MAP1A: variants seen among roughly 807,000 people sequenced by gnomAD.
The protein encoded by MAP1A is microtubule associated protein 1A.
MAP1A carries 42 observed loss-of-function variants against 185.9 expected under a neutral mutation model. The observed-to-expected ratio is 0.23, with a 90% CI of 0.18 to 0.29. The LOEUF (loss-of-function observed/expected upper bound fraction) is 0.29, where lower values mean the gene tolerates loss of function less well. Ranked by LOEUF, MAP1A falls within the 10% of genes least tolerant of loss-of-function variation. The pLI, the probability that MAP1A is intolerant of heterozygous loss-of-function variation, is 1.00. For synonymous variants in MAP1A, 1,229 were observed against 1,335.9 expected (o/e 0.92, Z 1.74); for missense variants, 2,995 against 3,450.4 (o/e 0.87, Z 3.31).
chr15:43,523,044 T>C lies in MAP1A; in HGVS notation c.1571T>C (p.Val524Ala). The C allele has an allele frequency of 6.2e-7, 1 of 1,614,128 alleles. No individual in the cohort carries two copies. Among genetic ancestry groups the C allele is most frequent in the Non-Finnish European group, 8.5e-7 (1 of 1,180,014 alleles). Residue 524 changes from valine to alanine, a missense_variant, in exon 4 of 6, where the codon GTC (valine) becomes GCC (alanine). Around this residue, in one of 3 missense-constraint regions of MAP1A, gnomAD observed 2,728 missense variants for 2,986.0 expected, o/e 0.91. Transcript: ENST00000300231. ...LPTISGHREL[V>A]LSSPEDLTQD... ...ACCATCAGTGGGCACAGGGAGCTGG[T>C]CCTATCCTCACCAGAGGACCTCACA...
At chr15:43,530,013 C>T (rs2079365418) in intron 5 of MAP1A, 56 bp from the exon 6 acceptor site, 1 of 1,592,804 alleles carries the variant, frequency 6.3e-7, no homozygotes, top group African/African-American at 1.3e-5. Flanking sequence ...GCCCCTTCCC[C>T]CTCACCTACC....
chr15:43,524,121 C>T lies in MAP1A; in HGVS notation c.2648C>T (p.Thr883Met), dbSNP rs2079331985. 1.9e-6 allele frequency: 3 copies of T among 1,614,174 alleles called. No homozygotes were observed. The highest frequency in any genetic ancestry group is 1.1e-5 in the South Asian group (1 of 91,084). ...TSIPSSRTEA[T>M]QGLDYVPSAG... ...ATCCCTTCCTCCCGTACTGAAGCTA[C>T]GCAGGGCTTGGACTATGTGCCATCA... Residue 883 changes from threonine to methionine, a missense_variant, in exon 4 of 6, where the codon ACG (threonine) becomes ATG (methionine). Coordinates refer to ENST00000300231, the MANE Select transcript of MAP1A (RefSeq NM_002373.6).
chr15:43,523,079 G>C lies in MAP1A; in HGVS notation c.1606G>C (p.Glu536Gln), dbSNP rs2080770032. The C allele has an allele frequency of 6.2e-7, 1 of 1,614,206 alleles. No individual in the cohort carries two copies. Among genetic ancestry groups the C allele is most frequent in the South Asian group, 1.1e-5 (1 of 91,084 alleles). ...SSPEDLTQDF[E>Q]EMKREERALL... ...ACCAGAGGACCTCACACAGGACTTTGAGGAGATGAAGCGTGAGGAGAGGGC... is the reference window on the plus strand; with the variant it reads ...ACCAGAGGACCTCACACAGGACTTTCAGGAGATGAAGCGTGAGGAGAGGGC... Residue 536 changes from glutamate (E) to glutamine (Q), a missense_variant, in exon 4 of 6, where the codon GAG becomes CAG. By Grantham distance (29) the Glu-to-Gln change is conservative. Transcript: ENST00000300231.
At position 43,524,222 on chromosome 15, in the gene MAP1A, G is replaced by T; in HGVS notation, c.2749G>T (p.Val917Leu). ...ATCACCACCCTGTGAGGACTTCTCT[G>T]TGACTGGGGAGTCAGAGAAGAGAGG... The part of the protein sequence containing the change: ...FKSPPCEDFS[V>L]TGESEKRGEI... The change falls in exon 4 of 6, where the codon GTG becomes TTG. Residue 917 changes from valine to leucine, a missense_variant. This residue lies in a region of MAP1A where 2,728 missense variants were observed against 2,986.0 expected (regional missense o/e 0.91). Coordinates refer to ENST00000300231, the MANE Select transcript of MAP1A (RefSeq NM_002373.6). 6.2e-7 allele frequency: 1 copy of T among 1,614,234 alleles called. No individual in the cohort carries two copies.
At chr15:43,513,175 A>C (rs2079288072), upstream of MAP1A, among the ~76,000 whole-genome samples, 1 of 152,096 alleles carries the variant, frequency 6.6e-6, no homozygotes, top group East Asian at 1.9e-4. Context: ...AAAAAATACA[A>C]AACTAGCTGG....
chr15:43,513,556 C>A (rs959573417), upstream of MAP1A, among the ~76,000 whole-genome samples: 1 of 152,240 alleles, frequency 6.6e-6, no homozygotes, highest in African/African-American at 2.4e-5. Context: ...ACTGCCAAAT[C>A]TTTGATCACT....
chr15:43,530,461 T>C lies in MAP1A; in HGVS notation c.*237T>C. The C allele has an allele frequency of 1.8e-6, 1 of 542,020 alleles. No homozygotes were observed. Among genetic ancestry groups the C allele is most frequent in the East Asian group, 3.2e-5 (1 of 31,444 alleles). 33.6% of individuals were successfully genotyped at this position (542,020 alleles called of 1,614,324 possible). ...GGATGGGGGAGGGGACAAATTAGAATAGGATAGCATCTGATGCCTGAGAAC... is the reference window on the plus strand; with the variant it reads ...GGATGGGGGAGGGGACAAATTAGAACAGGATAGCATCTGATGCCTGAGAAC... On this transcript the variant is annotated 3_prime_UTR_variant, in exon 6 of 6. Coordinates refer to ENST00000300231, the MANE Select transcript of MAP1A (RefSeq NM_002373.6).
At chr15:43,518,423 C>T (rs2079306350) in intron 1 of MAP1A, among the ~76,000 whole-genome samples, 2 of 152,138 alleles carry the variant, frequency 1.3e-5, no homozygotes, top group South Asian at 4.1e-4. Flanking sequence ...CTCAGCCCTA[C>T]CCCCACCTCA....
Position 43,525,540 on chromosome 15 carries a change from A to G in MAP1A, c.4067A>G (p.Gln1356Arg). 1 of 1,614,250 alleles carries G rather than the reference A, an allele frequency of 6.2e-7. No homozygotes were observed. Among genetic ancestry groups the G allele is most frequent in the Non-Finnish European group, 8.5e-7 (1 of 1,180,038 alleles). Reference sequence around the variant, plus strand: ...GGGTTGAAAGACAGAACCTCAGAACAGAAGAAGGAACCTGAGCCAAAGGAT... The same window carrying G: ...GGGTTGAAAGACAGAACCTCAGAACGGAAGAAGGAACCTGAGCCAAAGGAT... ...VPGLKDRTSEQKKEPEPKDEV... is the reference protein window; with the variant it reads ...VPGLKDRTSERKKEPEPKDEV... Residue 1356 changes from glutamine (Q) to arginine (R), a missense_variant, in exon 4 of 6, where the codon CAG (glutamine) becomes CGG (arginine). By Grantham distance (43) the Gln-to-Arg change is conservative (BLOSUM62 1). This residue lies in a region of MAP1A where 2,728 missense variants were observed against 2,986.0 expected (regional missense o/e 0.91). Transcript: ENST00000300231.
chr15:43,530,048 C>A, intron 5 of MAP1A, 21 bp from the exon 6 acceptor site: 4 of 1,612,966 alleles, frequency 2.5e-6, no homozygotes, highest in Non-Finnish European at 3.4e-6. Context: ...TCACATCAGA[C>A]ATATCTTATC....
chr15:43,518,850 G>T (rs564522380), intron 1 of MAP1A, among the ~76,000 whole-genome samples: 1 of 152,060 alleles, frequency 6.6e-6, no homozygotes, highest in Admixed American at 6.6e-5. Flanking sequence ...TTTCTCCCAG[G>T]CCTGAAAAAG....
exon 1 of MAP1A, chr15:43,511,004 G>A (rs1410087185): frequency 6.5e-7 from 1 of 1,545,166 alleles, no homozygotes; most frequent in South Asian, 1.2e-5. Context: ...GACCGAGGCC[G>A]AGCCTGCGCG....
chr15:43,520,272 C>G (rs2140204110), intron 1 of MAP1A, among the ~76,000 whole-genome samples: 1 of 152,304 alleles, frequency 6.6e-6, no homozygotes, highest in South Asian at 2.1e-4. Flanking sequence ...GGGGCCCTCT[C>G]TCCAGCTGAG....
Position 43,527,392 on chromosome 15 carries a change from G to C in MAP1A, c.5919G>C (p.Gln1973His). 6.2e-7 allele frequency: 1 copy of C among 1,614,214 alleles called. No homozygotes were observed. The highest frequency in any genetic ancestry group is 1.1e-5 in the South Asian group (1 of 91,090). ...RSFQYADIYE[Q>H]MMLTGLGPAC... ...TTCAGTATGCAGACATCTATGAGCA[G>C]ATGATGCTTACTGGGCTTGGCCCTG... Residue 1973 changes from glutamine to histidine, a missense_variant, in exon 4 of 6, where the codon CAG becomes CAC. Physicochemically the swap from Gln to His is conservative, Grantham distance 24. Transcript: ENST00000300231.
chr15:43,510,984 T>C (rs747193025), exon 1 of MAP1A: 43 of 1,536,008 alleles, frequency 2.8e-5, no homozygotes, highest in Non-Finnish European at 3.7e-5. Flanking sequence ...TCCGCGGGTG[T>C]TTCCATGGAG....
rs772974141 is a variant in MAP1A at position 43,527,766 on chromosome 15, G to A, written c.6293G>A (p.Arg2098Gln). The A allele has an allele frequency of 1.4e-5, 22 of 1,613,360 alleles. No homozygotes were observed. Among genetic ancestry groups the A allele is most frequent in the African/African-American group, 8.0e-5 (6 of 74,750 alleles). The change falls in exon 4 of 6, where the codon CGG becomes CAG. Residue 2098 changes from arginine (R) to glutamine (Q), a missense_variant. By Grantham distance (43) the Arg-to-Gln change is conservative. This residue lies in a region of MAP1A where 2,728 missense variants were observed against 2,986.0 expected (regional missense o/e 0.91). Transcript: ENST00000300231. Reference protein sequence around the residue: ...RRSPSPKESGRSHWDDSTSDS... With the variant: ...RRSPSPKESGQSHWDDSTSDS... ...TCCCCATCCCCCAAGGAATCAGGCC[G>A]GAGTCACTGGGATGACAGCACTAGT...
rs548263865 is a variant in MAP1A, at chr15:43,529,873, G to A, written c.8256+3G>A. ...CCCAGTGGGGGGAGAATCTTCAGGT[G>A]AGTAGCAAAGGACACCAAGGAAGTA... is the stretch of plus-strand genomic sequence containing the variant. On this transcript the variant is annotated splice_donor_region_variant and intron_variant, in intron 5 of 5. Coordinates refer to ENST00000300231, the MANE Select transcript of MAP1A (RefSeq NM_002373.6). This position sits in a 1 kb window ranked among gnomAD's most constrained non-coding sequence, Gnocchi z 4.3. The A allele has an allele frequency of 2.2e-5, 36 of 1,612,550 alleles. No homozygotes were observed. In the South Asian group the frequency reaches 3.0e-4, roughly 13 times the overall value.
At position 43,528,927 on chromosome 15, in the gene MAP1A, C is replaced by A; in HGVS notation, c.7454C>A (p.Pro2485Gln). 3 of 1,612,988 alleles carry A rather than the reference C, an allele frequency of 1.9e-6. No homozygotes were observed. The highest frequency in any genetic ancestry group is 2.5e-6 in the Non-Finnish European group (3 of 1,179,940). ...GGGGGGCGGCGCCGGGTAGGGGGGCCAGGGACCACTGGGGGCCCATGCCCT... is the reference window on the plus strand; with the variant it reads ...GGGGGGCGGCGCCGGGTAGGGGGGCAAGGGACCACTGGGGGCCCATGCCCT... Reference protein sequence around the residue: ...GRGGRRRVGGPGTTGGPCPVT... With the variant: ...GRGGRRRVGGQGTTGGPCPVT... The change falls in exon 4 of 6, where the codon CCA becomes CAA. Residue 2485 changes from proline to glutamine, a missense_variant. Physicochemically the swap from Pro to Gln is moderately conservative, Grantham distance 76. Around this residue, in one of 3 missense-constraint regions of MAP1A, gnomAD observed 2,728 missense variants for 2,986.0 expected, o/e 0.91. Coordinates refer to ENST00000300231, the MANE Select transcript of MAP1A (RefSeq NM_002373.6).
exon 1 of MAP1A, chr15:43,511,061 A>G (rs2079273896): frequency 1.3e-6 from 2 of 1,549,402 alleles, no homozygotes; most frequent in South Asian, 1.2e-5. Flanking sequence ...GGGGCTCCGA[A>G]GTCCCGGCGC....
Sources: allele counts gnomAD v4.1 joint callset (sites outside exome capture counted in the v4.1 genomes callset), GRCh38; gene constraint gnomAD v4.1.1; regional missense constraint gnomAD v4.1.1; non-coding constraint Gnocchi (gnomAD v3.1); transcripts MANE v1.5; gene names NCBI Gene and HGNC (gene_info 2026-07-23, HGNC 2026-07-21).